The following MTMR3 variants were observed in gnomAD, a reference collection of about 807,000 sequenced individuals.
The protein encoded by MTMR3 is myotubularin related protein 3, also known as phosphatidylinositol-3,5-bisphosphate 3-phosphatase MTMR3.
A neutral mutation model predicts 132.4 loss-of-function variants in MTMR3; 32 were observed. The observed-to-expected ratio is 0.24, with a 90% CI of 0.18 to 0.32. The LOEUF (loss-of-function observed/expected upper bound fraction) is 0.32. Ranked by LOEUF, MTMR3 falls within the 10% of genes least tolerant of loss-of-function variation. The pLI, the probability that MTMR3 is intolerant of heterozygous loss-of-function variation, is 1.00. For missense variants in MTMR3, 1,216 were observed against 1,489.6 expected, an observed-to-expected ratio of 0.82 and a Z score of 3.02; for synonymous variants, 556 against 550.3, an observed-to-expected ratio of 1.01 and a Z score of -0.14.
At chr22:29,972,223 C>T (rs1215076654) in intron 3 of MTMR3, among the ~76,000 whole-genome samples, 2 of 152,180 alleles carry the variant, frequency 1.3e-5, no homozygotes, top group Non-Finnish European at 2.9e-5. Flanking sequence ...AAGTGCTTGT[C>T]TAGTATTTCA....
rs1395102022 is a variant in MTMR3 at position 29,979,025 on chromosome 22, C to T, written c.183C>T (p.His61=). 1.2e-6 allele frequency: 2 copies of T among 1,612,340 alleles called. No homozygotes were observed. The highest frequency in any genetic ancestry group is 1.7e-6 in the Non-Finnish European group (2 of 1,178,382). The part of the protein sequence containing the change: ...AIIALSNYRL[H]IKFKESLVNV... ...TTGCCCTTTCCAATTACAGACTTCA[C>T]ATCAAGTTCAAGGAGTCTCTTGTTA... The change falls in exon 5 of 20, where the codon CAC becomes CAT. Residue 61 remains histidine, a synonymous_variant. Transcript: ENST00000401950.
rs2066521437 is a variant in MTMR3 at position 29,970,943 on chromosome 22, T to TC, written c.-84-33_-84-32insC. 8.9e-6 allele frequency: 7 copies of TC among 787,116 alleles called. No individual in the cohort carries two copies. The East Asian group carries it at 1.1e-4, about 13-fold the overall frequency. 48.8% of individuals were successfully genotyped at this position (787,116 alleles called of 1,614,324 possible). ...ATTTTGCCTCCCCTCCTCTTTTTTT[T>TC]TTCTTCTTCCCCCTCTTCCCCCCCA... On this transcript the variant is annotated intron_variant, in intron 2 of 19. Transcript: ENST00000401950.
intron 1 of MTMR3, among the ~76,000 whole-genome samples, chr22:29,888,651 A>G (rs1258548123): frequency 6.6e-6 from 1 of 151,492 alleles, no homozygotes; most frequent in Non-Finnish European, 1.5e-5. Context: ...CCACAGAGGT[A>G]TTGTCTTGAT....
intron 7 of MTMR3, chr22:29,996,712 G>C (rs2067068452): frequency 6.6e-6 from 1 of 151,780 alleles, no homozygotes; most frequent in East Asian, 1.9e-4. Flanking sequence ...TGTTTTTTTT[G>C]TTCGTTTTGT....
At chr22:30,023,302 G>A in intron 19 of MTMR3, 1 of 728,332 alleles carries the variant, frequency 1.4e-6, no homozygotes, top group Non-Finnish European at 2.5e-6. Context: ...TCTGAATCAT[G>A]CCATAGCTCA....
chr22:29,985,447 C>G (rs12330076), intron 5 of MTMR3: 15,472 of 152,206 alleles, frequency 0.1, 811 homozygotes, highest in Middle Eastern at 0.14. Context: ...TTGCAGTGAA[C>G]CAAGATCGCG....
At chr22:29,898,854 C>CT (rs750037923) in intron 1 of MTMR3, among the ~76,000 whole-genome samples, 1 of 148,462 alleles carries the variant, frequency 6.7e-6, no homozygotes, top group Non-Finnish European at 1.5e-5. Flanking sequence ...TGATTTTATT[C>CT]TTTTTTATGG....
rs761347355 is a variant in MTMR3, at chr22:30,019,696, T to TGTTGCAGCC, written c.2039_2047dup (p.Val680_Ala682dup). On this transcript the variant is annotated inframe_insertion, in exon 17 of 20. Transcript: ENST00000401950. ...GAGTGCCGGGGGGTGCCGAGCTTTCTGTTGCAGCCGGAGTAGCTGAGGGGC... is the reference window on the plus strand; with the variant it reads ...GAGTGCCGGGGGGTGCCGAGCTTTCTGTTGCAGCCGTTGCAGCCGGAGTAGCTGAGGGGC... 1 of 1,614,120 alleles carries TGTTGCAGCC rather than the reference T, an allele frequency of 6.2e-7. No homozygotes were observed. Among genetic ancestry groups the TGTTGCAGCC allele is most frequent in the South Asian group, 1.1e-5 (1 of 91,074 alleles).
intron 1 of MTMR3, among the ~76,000 whole-genome samples, chr22:29,951,000 A>G (rs916290814): frequency 2.6e-5 from 4 of 152,074 alleles, no homozygotes; most frequent in African/African-American, 9.7e-5. Flanking sequence ...AAAATACAAA[A>G]ATTAGCTGGG....
intron 10 of MTMR3, chr22:30,007,628 G>T: frequency 1.8e-6 from 1 of 559,042 alleles, no homozygotes; most frequent in South Asian, 2.2e-5. Flanking sequence ...CTTCATGAAA[G>T]GACAACAGAT....
At chr22:30,022,786 C>A (rs1165226985) in intron 19 of MTMR3, 89 bp downstream of exon 19, 2 of 1,178,804 alleles carry the variant, frequency 1.7e-6, no homozygotes, top group Non-Finnish European at 1.2e-6. Flanking sequence ...TTGTGGGTAT[C>A]TCAGTGTTCT....
At chr22:30,012,313 G>A (rs1197838587) in intron 12 of MTMR3, 55 bp from the exon 13 acceptor site, 1 of 1,551,266 alleles carries the variant, frequency 6.4e-7, no homozygotes, top group Non-Finnish European at 8.8e-7. Context: ...CATTGAGCAT[G>A]ATGCAGTAAA....
At position 29,998,643 on chromosome 22, in the gene MTMR3, A is replaced by G. The variant is rs2067109026; in HGVS notation, c.461-118A>G. The G allele has an allele frequency of 5.9e-6, 3 of 510,534 alleles. No homozygotes were observed. The East Asian group carries it at 1.2e-4, about 20-fold the overall frequency. The allele number at this position is 510,534 out of a possible 1,614,324, so 31.6% of individuals were successfully genotyped here. A position where few individuals can be genotyped will look rare whatever the true frequency, so the allele number is the denominator to read the frequency against. ...ATGTGACAGAGTGGAATCCTGTCTC[A>G]AAAAATATATATATATTTACATATA... On this transcript the variant is annotated intron_variant, in intron 7 of 19. Coordinates refer to ENST00000401950, the MANE Select transcript of MTMR3 (RefSeq NM_021090.4).
At chr22:29,994,063 TC>T (rs1380556841) in intron 7 of MTMR3, 1 of 967,086 alleles carries the variant, frequency 1.0e-6, no homozygotes, top group African/African-American at 1.8e-5. Flanking sequence ...GATCCAGGTA[TC>T]CTGAAGATCA....
At chr22:30,005,795 A>C (rs1569045731) in intron 9 of MTMR3, 1 of 152,192 alleles carries the variant, frequency 6.6e-6, no homozygotes, top group South Asian at 2.1e-4. Context: ...ACCCATTCAC[A>C]GGGCACCCAG....
intron 3 of MTMR3, among the ~76,000 whole-genome samples, chr22:29,976,373 T>G (rs749388067): frequency 2.0e-5 from 3 of 152,054 alleles, no homozygotes; most frequent in Non-Finnish European, 4.4e-5. Context: ...TTCCATCAGT[T>G]GTTCTTCCAA....
chr22:29,994,026 G>T, intron 7 of MTMR3: 1 of 690,504 alleles, frequency 1.4e-6, no homozygotes, highest in Non-Finnish European at 1.8e-6. Flanking sequence ...TTTAAAGTGG[G>T]ACATTCATGC....
chr22:29,924,395 C>T (rs2065476183), intron 1 of MTMR3, among the ~76,000 whole-genome samples: 1 of 152,134 alleles, frequency 6.6e-6, no homozygotes, highest in Non-Finnish European at 1.5e-5. Context: ...TATTTCTGGG[C>T]TGTCTGCTTT....
intron 18 of MTMR3, 97 bp downstream of exon 18, chr22:30,022,236 A>C (rs1601441116): frequency 1.1e-6 from 1 of 904,142 alleles, no homozygotes. Flanking sequence ...CCAAGGAAGC[A>C]CCTCCCAGCA....
Sources: gnomAD v4.1 joint callset for allele counts (sites outside exome capture counted in the v4.1 genomes callset) on GRCh38, gnomAD v4.1.1 for gene constraint, MANE v1.5 for transcripts, NCBI Gene and HGNC (gene_info 2026-07-23, HGNC 2026-07-21) for gene names.